Variants in ADCY8 observed in about 807,000 individuals in gnomAD.
ADCY8 encodes the protein adenylate cyclase 8.
ADCY8 carries 51 observed loss-of-function variants against 119.7 expected under a neutral mutation model. The ratio of observed to expected loss-of-function variants is 0.43; its 90% confidence interval spans 0.34 to 0.54. ADCY8 has a LOEUF of 0.54. ADCY8 is among the 20% of genes least tolerant of loss of function. ADCY8 has a pLI of 0.03. For synonymous variants in ADCY8, 665 were observed against 651.0 expected, an observed-to-expected ratio of 1.02 and a Z score of -0.33; for missense variants, 1,383 against 1,598.8, an observed-to-expected ratio of 0.87 and a Z score of 2.30.
At chr8:130,862,595 A>T (rs1817974560) in intron 9 of ADCY8, among the ~76,000 whole-genome samples, 2 of 151,984 alleles carry the variant, frequency 1.3e-5, no homozygotes, top group Non-Finnish European at 2.9e-5. Context: ...TGTATTTTTT[A>T]GTAGAGACGG....
chr8:130,864,326 T>C (rs1169716157), intron 9 of ADCY8, among the ~76,000 whole-genome samples: 1 of 152,226 alleles, frequency 6.6e-6, no homozygotes, highest in Non-Finnish European at 1.5e-5. Flanking sequence ...GTTATTTTTA[T>C]TTAACCAAAG....
chr8:130,977,586 C>G, intron 2 of ADCY8, among the ~76,000 whole-genome samples: 1 of 152,320 alleles, frequency 6.6e-6, no homozygotes, highest in Middle Eastern at 3.4e-3. Context: ...ATGGACTACA[C>G]CACTGCCAGT....
At chr8:131,034,888 T>A (rs552281742) in intron 1 of ADCY8, among the ~76,000 whole-genome samples, 1 of 152,268 alleles carries the variant, frequency 6.6e-6, no homozygotes, top group East Asian at 1.9e-4. Context: ...TTATCACTAA[T>A]GAGCTAAAGT....
intron 2 of ADCY8, among the ~76,000 whole-genome samples, chr8:130,955,123 T>C (rs1192352391): frequency 3.9e-5 from 6 of 152,168 alleles, no homozygotes; most frequent in Non-Finnish European, 2.9e-5. Context: ...AGGGAGACTT[T>C]ATAGGTAGAG....
In ADCY8 at chr8:131,039,518, G is replaced by A; in HGVS notation, c.816C>T (p.Gly272=). 7 of 1,613,938 alleles carry A rather than the reference G, an allele frequency of 4.3e-6. No individual in the cohort carries two copies. Among genetic ancestry groups the A allele is most frequent in the Non-Finnish European group, 5.9e-6 (7 of 1,180,032 alleles). ...TGGCGAAGAGCGTGAAGAGCACGTA[G>A]CCTATGCCGTCGCCCAGGAGCCCGT... ...LGYGLLGDGI[G]YVLFTLFATY... is the part of the protein sequence containing the mutation. The change falls in exon 1 of 18, where the codon GGC becomes GGT. Residue 272 remains glycine, a synonymous_variant. Transcript: ENST00000286355.
chr8:130,962,583 AATTGCTAC>A (rs1821637751), intron 2 of ADCY8, among the ~76,000 whole-genome samples: 1 of 152,242 alleles, frequency 6.6e-6, no homozygotes, highest in African/African-American at 2.4e-5. Context: ...TACAGGCATC[AATTGCTAC>A]AGTGCACCCT....
chr8:130,961,729 A>C (rs1384513925), intron 2 of ADCY8, among the ~76,000 whole-genome samples: 1 of 152,092 alleles, frequency 6.6e-6, no homozygotes, highest in Non-Finnish European at 1.5e-5. Flanking sequence ...ATCCTCAGCA[A>C]CTTCCTCAGT....
chr8:130,929,879 A>G (rs1434137151), intron 5 of ADCY8, among the ~76,000 whole-genome samples: 1 of 152,230 alleles, frequency 6.6e-6, no homozygotes, highest in Non-Finnish European at 1.5e-5. Flanking sequence ...CTTTATCATT[A>G]CATAATGACT....
chr8:130,855,359 C>G (rs1353977749), intron 9 of ADCY8, among the ~76,000 whole-genome samples: 1 of 152,138 alleles, frequency 6.6e-6, no homozygotes, highest in Non-Finnish European at 1.5e-5. Context: ...CTACCCAATT[C>G]CCACAGCATA....
At chr8:130,905,495 A>G (rs935969930) in intron 6 of ADCY8, among the ~76,000 whole-genome samples, 6 of 152,224 alleles carry the variant, frequency 3.9e-5, no homozygotes, top group Non-Finnish European at 8.8e-5. Context: ...ATTTGAATGA[A>G]AGAATGCTTA....
intron 12 of ADCY8, among the ~76,000 whole-genome samples, chr8:130,826,564 A>G (rs1182904259): frequency 6.6e-6 from 1 of 152,166 alleles, no homozygotes; most frequent in Non-Finnish European, 1.5e-5. Context: ...GAATGGTAGT[A>G]CATTTTATGT....
At chr8:130,897,111 A>G (rs1196574111) in intron 7 of ADCY8, among the ~76,000 whole-genome samples, 3 of 152,086 alleles carry the variant, frequency 2.0e-5, no homozygotes, top group Non-Finnish European at 2.9e-5. Flanking sequence ...TTCCACTATC[A>G]TATGTGCAAA....
At chr8:130,815,230 A>T (rs1816300213) in intron 13 of ADCY8, among the ~76,000 whole-genome samples, 1 of 152,150 alleles carries the variant, frequency 6.6e-6, no homozygotes, top group Non-Finnish European at 1.5e-5. Context: ...TTGACCTTGG[A>T]CTTCTCAGCC....
Position 131,040,452 on chromosome 8 carries a change from G to T in ADCY8, c.-119C>A. 7.8e-7 allele frequency: 1 copy of T among 1,276,784 alleles called. No homozygotes were observed. The highest frequency in any genetic ancestry group is 1.0e-6 in the Non-Finnish European group (1 of 990,894). 79.1% of individuals were successfully genotyped at this position (1,276,784 alleles called of 1,614,324 possible). A position where few individuals can be genotyped will look rare whatever the true frequency, so the allele number is the denominator to read the frequency against. ...GCAAGGATCCTTTTTATCCTAGGCT[G>T]CCCCGTTGCAGGAGCCCTGCGCTAG... On this transcript the variant is annotated 5_prime_UTR_variant, in exon 1 of 18. Coordinates refer to ENST00000286355, the MANE Select transcript of ADCY8 (RefSeq NM_001115.3).
intron 2 of ADCY8, among the ~76,000 whole-genome samples, chr8:130,975,819 G>T (rs1822055093): frequency 6.6e-6 from 1 of 152,184 alleles, no homozygotes; most frequent in Non-Finnish European, 1.5e-5. Context: ...TCTGCTGAAA[G>T]AATTCTAACA....
At chr8:130,918,448 G>C (rs1375097444) in intron 5 of ADCY8, among the ~76,000 whole-genome samples, 3 of 152,168 alleles carry the variant, frequency 2.0e-5, no homozygotes, top group African/African-American at 7.2e-5. Context: ...ACAGGAATTT[G>C]AGGGGGATAA....
intron 2 of ADCY8, among the ~76,000 whole-genome samples, chr8:130,969,600 C>T (rs1821863548): frequency 6.6e-6 from 1 of 152,186 alleles, no homozygotes; most frequent in Admixed American, 6.5e-5. Flanking sequence ...CAAATGTGTT[C>T]CTGGCCACAA....
Position 130,901,586 on chromosome 8 carries a change from C to T in ADCY8, c.1911+2186G>A, listed in dbSNP as rs1174720541. Among the ~76,000 whole-genome samples, 3 of 152,152 alleles carry T rather than the reference C, an allele frequency of 2.0e-5. No homozygotes were observed. In the East Asian group the frequency reaches 5.8e-4, roughly 29 times the overall value. ...TCAGCCAGACCAGTCTTGATCTCTTCCAGGGACAAATTATGTCTCTGAATT... is the reference window on the plus strand; with the variant it reads ...TCAGCCAGACCAGTCTTGATCTCTTTCAGGGACAAATTATGTCTCTGAATT... On this transcript the variant is annotated intron_variant, in intron 7 of 17. Transcript: ENST00000286355.
At position 130,835,236 on chromosome 8, in the gene ADCY8, T is replaced by C. The variant is rs188625804; in HGVS notation, c.2675+1041A>G. On this transcript the variant is annotated intron_variant, in intron 12 of 17. Coordinates refer to ENST00000286355, the MANE Select transcript of ADCY8 (RefSeq NM_001115.3). ...TGGGGTCTGTTTACCCCAGCAGCTG[T>C]GAAAGGGTCCAAGTGATGTCATCAG... is the stretch of plus-strand genomic sequence containing the variant. Among the ~76,000 whole-genome samples the C allele has an allele frequency of 1.7e-3, 264 of 152,258 alleles. 3 individuals carry two copies. The highest frequency in any genetic ancestry group is 6.8e-3 in the Middle Eastern group (2 of 294).
Sources: gnomAD v4.1 joint callset for allele counts (sites outside exome capture counted in the v4.1 genomes callset) on GRCh38, gnomAD v4.1.1 for gene constraint, MANE v1.5 for transcripts, NCBI Gene and HGNC (gene_info 2026-07-23, HGNC 2026-07-21) for gene names.